The following SLC2A9 variants were observed in gnomAD, a reference collection of about 807,000 sequenced individuals.
SLC2A9 encodes solute carrier family 2, facilitated glucose transporter member 9.
Under a neutral mutation model 50.6 loss-of-function variants are expected in SLC2A9, and 39 were observed. The ratio of observed to expected loss-of-function variants is 0.77; its 90% CI spans 0.60 to 1.01. SLC2A9 has a LOEUF of 1.01. Ranked by LOEUF, SLC2A9 falls within the 50% of genes least tolerant of loss-of-function variation. The pLI, the probability that SLC2A9 is intolerant of heterozygous loss-of-function variation, is 0.00. For synonymous variants in SLC2A9, 324 were observed against 276.9 expected (o/e 1.17, Z -1.69); for missense variants, 686 against 677.6 (o/e 1.01, Z -0.14).
intron 5 of SLC2A9, among the ~76,000 whole-genome samples, chr4:9,946,013 G>T (rs573346742): frequency 6.6e-6 from 1 of 152,232 alleles, no homozygotes; most frequent in Middle Eastern, 3.4e-3. Flanking sequence ...CATATTACTC[G>T]CCTGACACAA....
At chr4:9,804,560 C>A (rs1174033168) in intron 3 of SLC2A9, among the ~76,000 whole-genome samples, 2 of 152,158 alleles carry the variant, frequency 1.3e-5, no homozygotes, top group African/African-American at 2.4e-5. Context: ...ACATGCCAGG[C>A]AAGTTACCTG....
At chr4:9,773,649 G>A (rs1468086166) in intron 1 of SLC2A9, among the ~76,000 whole-genome samples, 1 of 152,208 alleles carries the variant, frequency 6.6e-6, no homozygotes, top group Admixed American at 6.5e-5. Context: ...CTGAGATCAG[G>A]GCTCTGGCTG....
intron 10 of SLC2A9, among the ~76,000 whole-genome samples, chr4:9,864,401 G>A (rs1487859365): frequency 6.6e-6 from 1 of 152,224 alleles, no homozygotes; most frequent in East Asian, 1.9e-4. Flanking sequence ...ACAGCCTTCT[G>A]CTCTCCAAGG....
intron 3 of SLC2A9, among the ~76,000 whole-genome samples, chr4:9,792,217 T>A (rs1577294717): frequency 7.3e-6 from 1 of 137,440 alleles, no homozygotes; most frequent in Non-Finnish European, 1.6e-5. Context: ...TGCTCTGTCA[T>A]CCAGGCTAGA....
At chr4:10,031,786 T>A (rs1362929622) in intron 1 of SLC2A9, among the ~76,000 whole-genome samples, 1 of 152,218 alleles carries the variant, frequency 6.6e-6, no homozygotes, top group Non-Finnish European at 1.5e-5. Context: ...GGATGTCCCA[T>A]GTCCTGAGAC....
In SLC2A9 at chr4:9,783,154, C is replaced by A. The variant is rs746381541; in HGVS notation, n.386-3089G>T. The stretch of plus-strand genomic sequence containing the variant: ...AGGTGTTTGCCCAGCTGCTGGGGTG[C>A]AGCCACTTCTGCTCCCGCACGCCGG... On this transcript the variant is annotated intron_variant and non_coding_transcript_variant, in intron 3 of 3. Transcript: ENST00000503803. The A allele has an allele frequency of 2.6e-5, 42 of 1,614,236 alleles. No individual in the cohort carries two copies. In the South Asian group the frequency reaches 4.4e-4, roughly 17 times the overall value.
At chr4:9,863,308 G>C (rs188395196) in intron 10 of SLC2A9, among the ~76,000 whole-genome samples, 1 of 151,998 alleles carries the variant, frequency 6.6e-6, no homozygotes, top group Admixed American at 6.5e-5. Flanking sequence ...CACCATGCCT[G>C]GCTAATTTTT....
chr4:9,819,116 C>CAA (rs60751108), intron 3 of SLC2A9, among the ~76,000 whole-genome samples: 769 of 56,964 alleles, frequency 0.013, 31 homozygotes, highest in African/African-American at 0.03. Context: ...GAGACTGTCT[C>CAA]AAAAAAAAAA....
intron 2 of SLC2A9, among the ~76,000 whole-genome samples, chr4:9,999,222 A>G (rs889132925): frequency 2.6e-5 from 4 of 151,704 alleles, no homozygotes; most frequent in Admixed American, 6.6e-5. Flanking sequence ...GCCTGGATAA[A>G]TTTTTTTTGT....
At chr4:9,796,463 A>T (rs958745271), downstream of SLC2A9, among the ~76,000 whole-genome samples, 3 of 152,184 alleles carry the variant, frequency 2.0e-5, no homozygotes, top group Non-Finnish European at 4.4e-5. Flanking sequence ...TGTTGAATGG[A>T]GATATTTATC....
chr4:9,953,340 A>G (rs1750647985), intron 5 of SLC2A9, among the ~76,000 whole-genome samples: 1 of 152,196 alleles, frequency 6.6e-6, no homozygotes, highest in African/African-American at 2.4e-5. Context: ...TGCCTGTCTC[A>G]AATCTCAGCC....
intron 6 of SLC2A9, among the ~76,000 whole-genome samples, chr4:9,927,960 C>T (rs74987473): frequency 0.011 from 1,715 of 152,278 alleles, 45 homozygotes; most frequent in African/African-American, 0.039. Context: ...AATGAATATA[C>T]AGGTGGCTTG....
chr4:9,909,688 G>T (rs1009193096), intron 7 of SLC2A9, among the ~76,000 whole-genome samples: 1 of 152,206 alleles, frequency 6.6e-6, no homozygotes, highest in African/African-American at 2.4e-5. Flanking sequence ...GAGGATTTTA[G>T]CCTGGACACA....
rs962432034 is a variant in SLC2A9, at chr4:9,983,995, G to A, written c.535+1674C>T. On this transcript the variant is annotated intron_variant, in intron 4 of 11. Coordinates refer to ENST00000264784, the MANE Select transcript of SLC2A9 (RefSeq NM_020041.3). ...GAGAAAACAGTCTTTCATTACAGGA[G>A]GAGATCAAAAAAAATGAAAAGCATG... Among the ~76,000 whole-genome samples, 10 of 152,024 alleles carry A rather than the reference G, an allele frequency of 6.6e-5. 1 individual carries two copies. Among genetic ancestry groups the A allele is most frequent in the Admixed American group, 5.2e-4 (8 of 15,286 alleles).
chr4:9,886,194 C>G (rs867081924), intron 10 of SLC2A9, among the ~76,000 whole-genome samples: 17 of 152,218 alleles, frequency 1.1e-4, no homozygotes, highest in African/African-American at 4.1e-4. Context: ...GGTTTGCTCA[C>G]GCATGTCCCC....
intron 10 of SLC2A9, among the ~76,000 whole-genome samples, chr4:9,869,227 G>A (rs1336955723): frequency 2.0e-5 from 3 of 152,140 alleles, no homozygotes; most frequent in African/African-American, 7.2e-5. Context: ...GTGGTCTCCA[G>A]CCTCAGGTCT....
intron 3 of SLC2A9, among the ~76,000 whole-genome samples, chr4:9,988,448 G>A (rs1014086197): frequency 7.2e-5 from 11 of 152,236 alleles, no homozygotes; most frequent in African/African-American, 2.7e-4. Context: ...CTCTGGGCAA[G>A]TTTATCATAT....
chr4:9,986,612 T>C (rs1191797137), intron 3 of SLC2A9, among the ~76,000 whole-genome samples: 1 of 152,050 alleles, frequency 6.6e-6, no homozygotes, highest in Non-Finnish European at 1.5e-5. Flanking sequence ...CTCCCTTTCT[T>C]CCTTATTTCC....
chr4:9,951,965 C>T (rs1391421102), intron 5 of SLC2A9, among the ~76,000 whole-genome samples: 3 of 152,256 alleles, frequency 2.0e-5, no homozygotes, highest in African/African-American at 4.8e-5. Flanking sequence ...ACTGTGGCTT[C>T]CATGTGCCAC....
Sources: allele counts gnomAD v4.1 joint callset (sites outside exome capture counted in the v4.1 genomes callset), GRCh38; gene constraint gnomAD v4.1.1; transcripts MANE v1.5; gene names NCBI Gene and HGNC (gene_info 2026-07-23, HGNC 2026-07-21).